Variants in CACNA1H observed in about 807,000 individuals in gnomAD.
CACNA1H encodes calcium voltage-gated channel subunit alpha1 H.
In CACNA1H, 149 loss-of-function variants were observed where a neutral mutation model predicts 192.5. That is an observed-to-expected ratio of 0.77 (90% confidence interval 0.68 to 0.89). CACNA1H has a LOEUF of 0.89. Ranked by LOEUF, CACNA1H falls within the 40% of genes least tolerant of loss-of-function variation. The pLI is 0.00. For synonymous variants in CACNA1H, 2,202 were observed against 1,475.2 expected (o/e 1.49, Z -11.29); for missense variants, 4,257 against 3,423.5 (o/e 1.24, Z -6.08).
intron 6 of CACNA1H, among the ~76,000 whole-genome samples, chr16:1,199,537 C>T (rs1005499800): frequency 6.6e-6 from 1 of 150,498 alleles, no homozygotes; most frequent in Non-Finnish European, 1.5e-5. Flanking sequence ...CTCTCAGCCC[C>T]CAAGACAGGT....
At chr16:1,202,972 A>G (rs1192602326) in intron 9 of CACNA1H, among the ~76,000 whole-genome samples, 5 of 151,924 alleles carry the variant, frequency 3.3e-5, no homozygotes, top group African/African-American at 7.3e-5. Flanking sequence ...TCTGTCCACC[A>G]GGTGAATGGG....
intron 29 of CACNA1H, 37 bp downstream of exon 29, chr16:1,215,412 GT>G (rs1567550224): frequency 6.3e-7 from 1 of 1,594,884 alleles, no homozygotes; most frequent in South Asian, 1.1e-5. Flanking sequence ...CTCTCTGCGG[GT>G]GGAGGGTGGG....
At position 1,180,956 on chromosome 16, in the gene CACNA1H, G is replaced by A. The variant is rs1016100625; in HGVS notation, c.300-14016G>A. 2.4e-4 allele frequency among the ~76,000 whole-genome samples: 37 copies of A among 152,196 alleles called. No homozygotes were observed. Among genetic ancestry groups the A allele is most frequent in the Non-Finnish European group, 4.0e-4 (27 of 68,014 alleles). ...AAAGCGCCTTGGCGGGACTGCTTCCGCCAGCTTCCCGGCCAGACCCAAGGG... is the reference window on the plus strand; with the variant it reads ...AAAGCGCCTTGGCGGGACTGCTTCCACCAGCTTCCCGGCCAGACCCAAGGG... On this transcript the variant is annotated intron_variant, in intron 2 of 34. Coordinates refer to ENST00000348261, the MANE Select transcript of CACNA1H (RefSeq NM_021098.3). This position sits in a 1 kb window ranked among gnomAD's most constrained non-coding sequence, Gnocchi z 4.4.
intron 26 of CACNA1H, among the ~76,000 whole-genome samples, chr16:1,212,793 A>G (rs948238430): frequency 6.6e-6 from 1 of 152,088 alleles, no homozygotes; most frequent in Admixed American, 6.5e-5. Flanking sequence ...GGCCGCCCAC[A>G]CCCCTGCAGG....
rs776215729 is a variant in CACNA1H at position 1,206,260 on chromosome 16, G to A, written c.2760G>A (p.Thr920=). Residue 920 remains threonine, a synonymous_variant, in exon 12 of 35, where the codon ACG becomes ACA. Transcript: ENST00000348261. ...KTMDNVATFC[T]LLMLFIFIFS... is the part of the protein sequence containing the mutation. ...TGGACAACGTGGCTACCTTCTGCACGCTGCTCATGCTCTTCATTTTCATCT... is the reference window on the plus strand; with the variant it reads ...TGGACAACGTGGCTACCTTCTGCACACTGCTCATGCTCTTCATTTTCATCT... The A allele has an allele frequency of 9.6e-6, 15 of 1,569,624 alleles. No individual in the cohort carries two copies. Among genetic ancestry groups the A allele is most frequent in the African/African-American group, 8.1e-5 (6 of 73,724 alleles).
chr16:1,214,673 G>T (rs1161788279), intron 27 of CACNA1H, among the ~76,000 whole-genome samples: 1 of 152,198 alleles, frequency 6.6e-6, no homozygotes, highest in South Asian at 2.1e-4. Flanking sequence ...CGGCTGCAGG[G>T]TGTGAAATGG....
At chr16:1,182,323 G>A (rs145360642) in intron 2 of CACNA1H, among the ~76,000 whole-genome samples, 143 of 152,292 alleles carry the variant, frequency 9.4e-4, no homozygotes, top group Non-Finnish European at 1.8e-3. Flanking sequence ...TCAGGGAGGA[G>A]CTCTGTTGAG....
rs267606697 is a variant in CACNA1H at position 1,204,325 on chromosome 16, G to T, written c.2318G>T (p.Gly773Val). 6.3e-7 allele frequency: 1 copy of T among 1,595,922 alleles called. No homozygotes were observed. Among genetic ancestry groups the T allele is most frequent in the Non-Finnish European group, 8.5e-7 (1 of 1,169,778 alleles). Residue 773 changes from glycine to valine, a missense_variant, in exon 10 of 35, where the codon GGC (glycine) becomes GTC (valine). Physicochemically the swap from Gly to Val is moderately radical, Grantham distance 109. Coordinates refer to ENST00000348261, the MANE Select transcript of CACNA1H (RefSeq NM_021098.3). ...CAGAGGGCAGCCCCGGGCGAGCCAG[G>T]CTGGATGGGCCGCCTCTGGGTTACC... ...AQQRAAPGEP[G>V]WMGRLWVTFS...
At chr16:1,211,840 G>T in intron 24 of CACNA1H, 35 bp downstream of exon 24, 2 of 1,610,356 alleles carry the variant, frequency 1.2e-6, no homozygotes, top group Non-Finnish European at 1.7e-6. Flanking sequence ...GTCACCTCAG[G>T]GTCTCCCGCG....
intron 2 of CACNA1H, among the ~76,000 whole-genome samples, chr16:1,186,954 C>G (rs1231531268): frequency 1.3e-5 from 2 of 152,144 alleles, no homozygotes; most frequent in Non-Finnish European, 2.9e-5. Flanking sequence ...CCGGGGATCT[C>G]CTGTACCACC....
intron 8 of CACNA1H, among the ~76,000 whole-genome samples, chr16:1,201,010 A>C (rs1445587878): frequency 1.3e-5 from 2 of 152,100 alleles, no homozygotes; most frequent in Admixed American, 1.3e-4. Context: ...GACAGGGTCC[A>C]GGCCTGTGGG....
At chr16:1,209,889 A>G (rs1325161939) in intron 17 of CACNA1H, 146 bp from the exon 18 acceptor site, 13 of 649,606 alleles carry the variant, frequency 2.0e-5, no homozygotes, top group Non-Finnish European at 3.4e-5. Context: ...CCAGAAAGCC[A>G]GAGCCCAAAG....
rs1192961769 is a variant in CACNA1H, at chr16:1,218,260, G to A, written c.5496G>A (p.Leu1832=). The change falls in exon 33 of 35, where the codon CTG becomes CTA. Residue 1832 remains leucine, a synonymous_variant. Transcript: ENST00000348261. ...SREDKHCLSY[L]PALSPVYFVT... is the part of the protein sequence containing the mutation. ...AGGACAAGCACTGCCTGAGCTACCT[G>A]CCGGCCCTGTCGCCCGTCTACTTCG... The A allele has an allele frequency of 3.9e-6, 6 of 1,551,214 alleles. No homozygotes were observed. Among genetic ancestry groups the A allele is most frequent in the East Asian group, 2.4e-5 (1 of 40,930 alleles).
intron 2 of CACNA1H, among the ~76,000 whole-genome samples, chr16:1,175,498 C>T (rs1011734678): frequency 1.4e-4 from 22 of 152,056 alleles, no homozygotes; most frequent in African/African-American, 5.3e-4. Flanking sequence ...GCACCCCTGC[C>T]CCTCCACCCT....
intron 2 of CACNA1H, among the ~76,000 whole-genome samples, chr16:1,176,964 G>A (rs1413510176): frequency 6.6e-6 from 1 of 152,136 alleles, no homozygotes; most frequent in Non-Finnish European, 1.5e-5. Context: ...TTAGGTGGGG[G>A]CAGAGTCCCC....
Position 1,218,632 on chromosome 16 carries a change from T to C in CACNA1H, c.5868T>C (p.Tyr1956=), listed in dbSNP as rs756787446. The C allele has an allele frequency of 2.6e-6, 4 of 1,523,222 alleles. No individual in the cohort carries two copies. Among genetic ancestry groups the C allele is most frequent in the African/African-American group, 1.4e-5 (1 of 70,064 alleles). The allele number at this position is 1,523,222 out of a possible 1,614,324, so 94.4% of individuals were successfully genotyped here. A position where few individuals can be genotyped will look rare whatever the true frequency, so the allele number is the denominator to read the frequency against. Residue 1956 remains tyrosine (Y), a synonymous_variant, in exon 33 of 35, where the codon TAT becomes TAC. Coordinates refer to ENST00000348261, the MANE Select transcript of CACNA1H (RefSeq NM_021098.3). ...TGCAGGAGGTGGAGATGGAGACCTATGGGGCCGGCACCCCCTTGGGTATGG... is the reference window on the plus strand; with the variant it reads ...TGCAGGAGGTGGAGATGGAGACCTACGGGGCCGGCACCCCCTTGGGTATGG... ...RPLQEVEMET[Y]GAGTPLGSVA... is the part of the protein sequence containing the mutation.
At chr16:1,156,393 G>A (rs576771005) in intron 2 of CACNA1H, among the ~76,000 whole-genome samples, 21 of 152,344 alleles carry the variant, frequency 1.4e-4, no homozygotes, top group South Asian at 1.2e-3. Flanking sequence ...GTGTCCTGGC[G>A]TCAGAGAGAA....
chr16:1,198,069 A>G (rs1967207867), intron 5 of CACNA1H, among the ~76,000 whole-genome samples: 1 of 152,078 alleles, frequency 6.6e-6, no homozygotes, highest in African/African-American at 2.4e-5. Flanking sequence ...GAATCAGACA[A>G]AGTTTTCAGG....
At chr16:1,154,784 C>T (rs1479446841) in intron 2 of CACNA1H, among the ~76,000 whole-genome samples, 1 of 152,186 alleles carries the variant, frequency 6.6e-6, no homozygotes, top group African/African-American at 2.4e-5. Context: ...GAGAAGGTTC[C>T]AGAACAGAGT....
Sources: allele counts gnomAD v4.1 joint callset (sites outside exome capture counted in the v4.1 genomes callset), GRCh38; gene constraint gnomAD v4.1.1; non-coding constraint Gnocchi (gnomAD v3.1); transcripts MANE v1.5; gene names NCBI Gene and HGNC (gene_info 2026-07-23, HGNC 2026-07-21).